The following ARHGEF28 variants were observed in gnomAD, a reference collection of about 807,000 sequenced individuals.
The protein encoded by ARHGEF28 is 190 kDa guanine nucleotide exchange factor.
In ARHGEF28, 152 loss-of-function variants were observed where a neutral mutation model predicts 206.6. The observed-to-expected ratio is 0.74, with a 90% CI of 0.64 to 0.84. The LOEUF (loss-of-function observed/expected upper bound fraction) is 0.84. ARHGEF28 is among the 40% of genes least tolerant of loss of function. The probability of loss-of-function intolerance (pLI) is 0.00; values close to 1 mark genes in which losing one functional copy is unlikely to be tolerated. For missense variants in ARHGEF28, 2,028 were observed against 2,073.2 expected, an observed-to-expected ratio of 0.98 and a Z score of 0.42; for synonymous variants, 763 against 776.4, an observed-to-expected ratio of 0.98 and a Z score of 0.29.
Position 73,894,390 on chromosome 5 carries a change from T to A in ARHGEF28, c.3659-3T>A. 6.2e-7 allele frequency: 1 copy of A among 1,600,526 alleles called. No individual in the cohort carries two copies. Among genetic ancestry groups the A allele is most frequent in the Non-Finnish European group, 8.5e-7 (1 of 1,170,848 alleles). On this transcript the variant is annotated splice_polypyrimidine_tract_variant and splice_region_variant and intron_variant, in intron 28 of 35. Coordinates refer to ENST00000513042, the MANE Select transcript of ARHGEF28 (RefSeq NM_001177693.2). The stretch of plus-strand genomic sequence containing the variant: ...ATCTTCTATGGTAAATACTATTTCA[T>A]AGAAATACTCACTAACCAAGACCAA...
intron 1 of ARHGEF28, among the ~76,000 whole-genome samples, chr5:73,653,943 G>A (rs1293334753): frequency 6.6e-6 from 1 of 152,220 alleles, no homozygotes; most frequent in Admixed American, 6.5e-5. Flanking sequence ...AGTTTGCATA[G>A]AAAAGGTGTA....
chr5:73,883,063 T>C lies in ARHGEF28; in HGVS notation c.2937+469T>C, dbSNP rs1252464610. Among the ~76,000 whole-genome samples, 5 of 152,290 alleles carry C rather than the reference T, an allele frequency of 3.3e-5. No homozygotes were observed. In the East Asian group the frequency reaches 9.6e-4, roughly 29 times the overall value. ...ATATCTTAAAATTTCACTGATTATC[T>C]CATAAAATTGGATTACTTAAATCAG... On this transcript the variant is annotated intron_variant, in intron 23 of 35. Coordinates refer to ENST00000513042, the MANE Select transcript of ARHGEF28 (RefSeq NM_001177693.2).
chr5:73,881,699 G>A lies in ARHGEF28; in HGVS notation c.2815-773G>A, dbSNP rs142161787. ...CCATTACAATGCTCTTCAAGGGGAC[G>A]TGTGCATGTAAGGCCATCACAGTCT... On this transcript the variant is annotated intron_variant, in intron 22 of 35. Transcript: ENST00000513042. Among the ~76,000 whole-genome samples, 767 of 152,280 alleles carry A rather than the reference G, an allele frequency of 5.0e-3. 4 individuals are homozygous for A. Among genetic ancestry groups the A allele is most frequent in the South Asian group, 0.024 (114 of 4,826 alleles).
chr5:73,886,133 C>T lies in ARHGEF28; in HGVS notation c.3310+29C>T, dbSNP rs111457200. The T allele has an allele frequency of 4.7e-4, 737 of 1,584,630 alleles. 6 individuals carry two copies. The African/African-American group carries it at 8.4e-3, about 18-fold the overall frequency. On this transcript the variant is annotated intron_variant, in intron 25 of 35. Transcript: ENST00000513042. ...CTGTGGCTCTACCAGACCAATTTCT[C>T]CCTTCATACACATTATTCATTTAAC...
chr5:73,916,760 C>G (rs555998660), intron 35 of ARHGEF28, among the ~76,000 whole-genome samples: 8 of 152,016 alleles, frequency 5.3e-5, no homozygotes, highest in Non-Finnish European at 1.0e-4. Context: ...GATTTTTCTC[C>G]CTACCATAGT....
At chr5:73,742,591 G>A (rs1326942689) in intron 2 of ARHGEF28, among the ~76,000 whole-genome samples, 2 of 151,412 alleles carry the variant, frequency 1.3e-5, no homozygotes, top group African/African-American at 2.4e-5. Context: ...TTGGGAGGCC[G>A]AGGCGGGTGG....
intron 2 of ARHGEF28, among the ~76,000 whole-genome samples, chr5:73,742,851 A>G (rs1422315692): frequency 4.0e-5 from 6 of 151,176 alleles, no homozygotes; most frequent in African/African-American, 9.7e-5. Flanking sequence ...AAAAAAAAAA[A>G]GTACTTTCAG....
At chr5:73,860,408 A>T (rs1759324417) in intron 16 of ARHGEF28, among the ~76,000 whole-genome samples, 1 of 152,182 alleles carries the variant, frequency 6.6e-6, no homozygotes, top group African/African-American at 2.4e-5. Flanking sequence ...GGGAGACCAT[A>T]TGTGGGAATC....
intron 35 of ARHGEF28, among the ~76,000 whole-genome samples, chr5:73,938,001 C>T (rs116692967): frequency 0.011 from 1,737 of 152,202 alleles, 40 homozygotes; most frequent in African/African-American, 0.039. Flanking sequence ...ATTGAGTTCC[C>T]GTCCAGGTGA....
intron 2 of ARHGEF28, among the ~76,000 whole-genome samples, chr5:73,714,082 G>A (rs372267914): frequency 3.9e-5 from 6 of 152,140 alleles, no homozygotes; most frequent in Admixed American, 6.5e-5. Context: ...GACTTTAACC[G>A]CCCTGTGTCT....
chr5:73,916,954 G>T (rs1414989229), intron 35 of ARHGEF28, among the ~76,000 whole-genome samples: 2 of 152,150 alleles, frequency 1.3e-5, no homozygotes, highest in Admixed American at 1.3e-4. Flanking sequence ...TATATTGATA[G>T]ATATTGAAGT....
chr5:73,647,413 A>G (rs1744501080), intron 1 of ARHGEF28, among the ~76,000 whole-genome samples: 1 of 152,214 alleles, frequency 6.6e-6, no homozygotes, highest in Non-Finnish European at 1.5e-5. Flanking sequence ...AATCTGTGTT[A>G]GTCTCATTAG....
intron 2 of ARHGEF28, among the ~76,000 whole-genome samples, chr5:73,702,621 T>C (rs1418949523): frequency 6.6e-6 from 1 of 152,230 alleles, no homozygotes; most frequent in Non-Finnish European, 1.5e-5. Flanking sequence ...TGCCAAACTT[T>C]CCTACAGTGG....
chr5:73,824,628 C>T (rs1348715750), intron 9 of ARHGEF28, among the ~76,000 whole-genome samples: 8 of 152,166 alleles, frequency 5.3e-5, no homozygotes, highest in South Asian at 2.1e-4. Flanking sequence ...CCATCACGCC[C>T]GGCTAATTTT....
At chr5:73,711,212 G>A (rs1235866662) in intron 2 of ARHGEF28, among the ~76,000 whole-genome samples, 3 of 152,062 alleles carry the variant, frequency 2.0e-5, no homozygotes, top group Admixed American at 6.5e-5. Flanking sequence ...CATTTCACTG[G>A]TATTATACTG....
chr5:73,842,817 T>C (rs2112579946), intron 11 of ARHGEF28, among the ~76,000 whole-genome samples: 1 of 152,184 alleles, frequency 6.6e-6, no homozygotes, highest in East Asian at 1.9e-4. Context: ...ACTCCCGCTC[T>C]AGTAAAAATA....
chr5:73,858,074 G>A lies in ARHGEF28; in HGVS notation c.1915-13G>A. ...TTTTCCCCACTTTCCTACTGCTGCT[G>A]CTGCATCTGAAGACAAAAAGCAAGG... On this transcript the variant is annotated splice_polypyrimidine_tract_variant and intron_variant, in intron 15 of 35. Coordinates refer to ENST00000513042, the MANE Select transcript of ARHGEF28 (RefSeq NM_001177693.2). 1 of 1,592,868 alleles carries A rather than the reference G, an allele frequency of 6.3e-7. No homozygotes were observed. The highest frequency in any genetic ancestry group is 8.5e-7 in the Non-Finnish European group (1 of 1,173,478).
chr5:73,805,013 G>C (rs1755356386), intron 9 of ARHGEF28, among the ~76,000 whole-genome samples: 1 of 152,100 alleles, frequency 6.6e-6, no homozygotes, highest in African/African-American at 2.4e-5. Context: ...AAATTTGTCT[G>C]TTCCCCCCAT....
At chr5:73,856,180 G>A (rs1759023082) in intron 14 of ARHGEF28, among the ~76,000 whole-genome samples, 1 of 152,138 alleles carries the variant, frequency 6.6e-6, no homozygotes, top group African/African-American at 2.4e-5. Flanking sequence ...AGACACCAGA[G>A]GTTTATGGGA....
Sources: allele counts gnomAD v4.1 joint callset (sites outside exome capture counted in the v4.1 genomes callset), GRCh38; gene constraint gnomAD v4.1.1; transcripts MANE v1.5; gene names NCBI Gene and HGNC (gene_info 2026-07-23, HGNC 2026-07-21).